The following MFNG variants were observed in gnomAD, a reference collection of about 807,000 sequenced individuals.
The protein encoded by MFNG is beta-1,3-N-acetylglucosaminyltransferase manic fringe.
Under a neutral mutation model 34.2 loss-of-function variants are expected in MFNG, and 24 were observed. The observed-to-expected ratio is 0.70, with a 90% CI of 0.51 to 0.99. The LOEUF (loss-of-function observed/expected upper bound fraction) is 0.99, where lower values mean the gene tolerates loss of function less well. Ranked by LOEUF, MFNG falls within the 50% of genes least tolerant of loss-of-function variation. The probability of loss-of-function intolerance (pLI) is 0.00; values close to 1 mark genes in which losing one functional copy is unlikely to be tolerated. For synonymous variants in MFNG, 158 were observed against 179.2 expected, an observed-to-expected ratio of 0.88 and a Z score of 0.94; for missense variants, 383 against 424.0, an observed-to-expected ratio of 0.90 and a Z score of 0.85.
chr22:37,482,666 C>T lies in MFNG; in HGVS notation c.256-1897G>A, dbSNP rs1040107835. Among the ~76,000 whole-genome samples the T allele has an allele frequency of 6.6e-6, 1 of 152,152 alleles. No individual in the cohort carries two copies. Among genetic ancestry groups the T allele is most frequent in the Non-Finnish European group, 1.5e-5 (1 of 68,022 alleles). ...CACTAACAGCAGTTAGCAAAACTCC[C>T]TGGTTACAGAAATTTCTCTCCCCGT... is the stretch of plus-strand genomic sequence containing the variant. On this transcript the variant is annotated intron_variant, in intron 1 of 7. Coordinates refer to ENST00000356998, the MANE Select transcript of MFNG (RefSeq NM_002405.4). The surrounding 1 kb of genome is among the most constrained non-coding windows in gnomAD (Gnocchi z 4.1).
intron 5 of MFNG, among the ~76,000 whole-genome samples, 166 bp from the exon 6 acceptor site, chr22:37,474,843 C>T (rs1353423585): frequency 6.6e-6 from 1 of 152,226 alleles, no homozygotes; most frequent in African/African-American, 2.4e-5. Context: ...GAGCCTCAGC[C>T]TCAGTCTCCT....
chr22:37,480,102 G>C, intron 3 of MFNG, 95 bp downstream of exon 3: 2 of 930,100 alleles, frequency 2.2e-6, no homozygotes, highest in Non-Finnish European at 3.3e-6. Context: ...CTGCCTGCTA[G>C]AGGAGTGGGG....
intron 3 of MFNG, among the ~76,000 whole-genome samples, chr22:37,479,992 G>A (rs962582161): frequency 2.6e-5 from 4 of 151,712 alleles, no homozygotes; most frequent in Admixed American, 6.6e-5. Flanking sequence ...CAAGAAGAAC[G>A]ATACTCTGTC....
rs1921710083 is a variant in MFNG at position 37,469,520 on chromosome 22, C to T, written c.*443G>A. ...CATTCCACCCATGTCCCTTCAGGAA[C>T]TCGGGACACAGATGAGGGAGGCAGG... On this transcript the variant is annotated 3_prime_UTR_variant, in exon 8 of 8. Transcript: ENST00000356998. The T allele has an allele frequency of 1.3e-5, 4 of 311,482 alleles. No individual in the cohort carries two copies. Among genetic ancestry groups the T allele is most frequent in the Non-Finnish European group, 2.6e-5 (4 of 156,442 alleles). The allele number at this position is 311,482 out of a possible 1,614,324, so 19.3% of individuals were successfully genotyped here. A position where few individuals can be genotyped will look rare whatever the true frequency, so the allele number is the denominator to read the frequency against.
chr22:37,486,243 G>A lies in MFNG; in HGVS notation c.-66C>T. On this transcript the variant is annotated 5_prime_UTR_variant, in exon 1 of 8. Coordinates refer to ENST00000356998, the MANE Select transcript of MFNG (RefSeq NM_002405.4). Reference sequence around the variant, plus strand: ...CCAACCAGACAGGGAGGGGAAGCTGGTCAGGCAGGGGCTCCAGCAGAGGCA... The same window carrying A: ...CCAACCAGACAGGGAGGGGAAGCTGATCAGGCAGGGGCTCCAGCAGAGGCA... 1.4e-6 allele frequency: 2 copies of A among 1,440,620 alleles called. No individual in the cohort carries two copies. Among genetic ancestry groups the A allele is most frequent in the South Asian group, 1.4e-5 (1 of 69,816 alleles). 89.2% of individuals were successfully genotyped at this position (1,440,620 alleles called of 1,614,324 possible). A position where few individuals can be genotyped will look rare whatever the true frequency, so the allele number is the denominator to read the frequency against.
rs201175429 is a variant in MFNG at position 37,486,166 on chromosome 22, C to G, written c.12G>C (p.Arg4=). 20 of 1,577,734 alleles carry G rather than the reference C, an allele frequency of 1.3e-5. No individual in the cohort carries two copies. The highest frequency in any genetic ancestry group is 6.9e-5 in the Admixed American group (4 of 57,774). The part of the protein sequence containing the change: MQC[R]LPRGLAGALL... The stretch of plus-strand genomic sequence containing the variant: ...GGGCTCCAGCCAGGCCCCGCGGGAG[C>G]CGGCACTGCATTGGTTGGCCCTGGG... The change falls in exon 1 of 8, where the codon CGG becomes CGC. Residue 4 remains arginine (R), a synonymous_variant. Coordinates refer to ENST00000356998, the MANE Select transcript of MFNG (RefSeq NM_002405.4).
At position 37,482,851 on chromosome 22, in the gene MFNG, G is replaced by C. The variant is rs1168731698; in HGVS notation, c.256-2082C>G. ...CCACCGTCAGATTTAGCGAATGCTGGAGGTCTCTGGATTTCCGCAGGGGGA... is the reference window on the plus strand; with the variant it reads ...CCACCGTCAGATTTAGCGAATGCTGCAGGTCTCTGGATTTCCGCAGGGGGA... On this transcript the variant is annotated intron_variant, in intron 1 of 7. Transcript: ENST00000356998. This position sits in a 1 kb window ranked among gnomAD's most constrained non-coding sequence, Gnocchi z 4.1. Among the ~76,000 whole-genome samples, 2 of 152,138 alleles carry C rather than the reference G, an allele frequency of 1.3e-5. No homozygotes were observed. The highest frequency in any genetic ancestry group is 4.8e-5 in the African/African-American group (2 of 41,432).
At chr22:37,479,581 G>A (rs1045778443) in intron 3 of MFNG, 83 bp from the exon 4 acceptor site, 3 of 1,542,988 alleles carry the variant, frequency 1.9e-6, no homozygotes, top group African/African-American at 2.8e-5. Flanking sequence ...TCGGTCAACA[G>A]TGACGGAATG....
chr22:37,486,338 T>C lies in MFNG; in HGVS notation c.-161A>G. 1.4e-6 allele frequency: 1 copy of C among 723,490 alleles called. No individual in the cohort carries two copies. The highest frequency in any genetic ancestry group is 3.2e-5 in the South Asian group (1 of 31,388). The allele number at this position is 723,490 out of a possible 1,614,324, so 44.8% of individuals were successfully genotyped here. A position where few individuals can be genotyped will look rare whatever the true frequency, so the allele number is the denominator to read the frequency against. ...GAGCTGAGGCTCTGGACCCAGAGGC[T>C]GAGCCATGGCAGCACGATCTCGACC... On this transcript the variant is annotated 5_prime_UTR_variant, in exon 1 of 8. Transcript: ENST00000356998.
At chr22:37,471,510 C>G (rs1357933839) in intron 7 of MFNG, among the ~76,000 whole-genome samples, 1 of 152,158 alleles carries the variant, frequency 6.6e-6, no homozygotes, top group East Asian at 1.9e-4. Context: ...TCTCCACCCC[C>G]ATCCCGCCAC....
chr22:37,472,651 T>G, intron 6 of MFNG, 123 bp from the exon 7 acceptor site: 14 of 908,748 alleles, frequency 1.5e-5, no homozygotes, highest in East Asian at 3.0e-5. Context: ...GAACCTGAAA[T>G]TCCCCGCTGG....
rs773658860 is a variant in MFNG, at chr22:37,479,346, G to A, written c.560C>T (p.Thr187Met). Residue 187 changes from threonine to methionine, a missense_variant and splice_region_variant, in exon 4 of 8, where the codon ACG (threonine) becomes ATG (methionine). Physicochemically the swap from Thr to Met is moderately conservative, Grantham distance 81 (BLOSUM62 -1). Transcript: ENST00000356998. ...CAAAGGAGGAGGAGAGGGACCCACC[G>A]TGCGGTTGTGGGGCTGTGGCTCTGA... Reference protein sequence around the residue: ...HASEPQPHNRTRLVQFWFATG... With the variant: ...HASEPQPHNRMRLVQFWFATG... 68 of 1,576,636 alleles carry A rather than the reference G, an allele frequency of 4.3e-5. No homozygotes were observed. The highest frequency in any genetic ancestry group is 5.2e-5 in the Non-Finnish European group (60 of 1,161,546).
Position 37,486,083 on chromosome 22 carries a change from G to T in MFNG, c.95C>A (p.Pro32Gln). The change falls in exon 1 of 8, where the codon CCG (proline) becomes CAG (glutamine). Residue 32 changes from proline (P) to glutamine (Q), a missense_variant. Physicochemically the swap from Pro to Gln is moderately conservative, Grantham distance 76. Transcript: ENST00000356998. ...CTCGGGGGTCCCTTGTACCCGCTGCGGGGACAGGTTCAAGTGGTACCGCAG... is the reference window on the plus strand; with the variant it reads ...CTCGGGGGTCCCTTGTACCCGCTGCTGGGACAGGTTCAAGTGGTACCGCAG... ...LCLRYHLNLS[P>Q]QRVQGTPELS... 6.2e-7 allele frequency: 1 copy of T among 1,613,634 alleles called. No individual in the cohort carries two copies. Among genetic ancestry groups the T allele is most frequent in the Non-Finnish European group, 8.5e-7 (1 of 1,179,858 alleles).
At chr22:37,471,723 C>T (rs776506122) in intron 7 of MFNG, among the ~76,000 whole-genome samples, 5 of 147,050 alleles carry the variant, frequency 3.4e-5, no homozygotes, top group Admixed American at 6.9e-5. Flanking sequence ...CCCAGCTATT[C>T]GGGAGGCTGA....
intron 5 of MFNG, among the ~76,000 whole-genome samples, chr22:37,475,716 C>T (rs1004037559): frequency 6.6e-6 from 1 of 151,866 alleles, no homozygotes; most frequent in African/African-American, 2.4e-5. Context: ...CTGCACTCCC[C>T]TCCCCAGCCT....
Position 37,485,172 on chromosome 22 carries a change from C to T in MFNG, c.255+751G>A, listed in dbSNP as rs768034890. 3.3e-5 allele frequency among the ~76,000 whole-genome samples: 5 copies of T among 151,224 alleles called. No homozygotes were observed. Among genetic ancestry groups the T allele is most frequent in the Non-Finnish European group, 5.9e-5 (4 of 67,872 alleles). The stretch of plus-strand genomic sequence containing the variant: ...ACACACATCTAGCACACTCCAGCTC[C>T]GTGCGTGTGAGCACACACACACACA... On this transcript the variant is annotated intron_variant, in intron 1 of 7. Coordinates refer to ENST00000356998, the MANE Select transcript of MFNG (RefSeq NM_002405.4). The surrounding 1 kb of genome is among the most constrained non-coding windows in gnomAD (Gnocchi z 5.3).
rs1922487211 is a variant in MFNG, at chr22:37,485,184, C to T, written c.255+739G>A. On this transcript the variant is annotated intron_variant, in intron 1 of 7. Transcript: ENST00000356998. The surrounding 1 kb of genome is among the most constrained non-coding windows in gnomAD (Gnocchi z 5.3). Reference sequence around the variant, plus strand: ...CACACTCCAGCTCCGTGCGTGTGAGCACACACACACACACACACACAATCC... The same window carrying T: ...CACACTCCAGCTCCGTGCGTGTGAGTACACACACACACACACACACAATCC... Among the ~76,000 whole-genome samples the T allele has an allele frequency of 8.2e-6, 1 of 122,668 alleles. No individual in the cohort carries two copies. The highest frequency in any genetic ancestry group is 1.7e-5 in the Non-Finnish European group (1 of 57,488). 80.5% of individuals were successfully genotyped at this position (122,668 alleles called of 152,430 possible). A position where few individuals can be genotyped will look rare whatever the true frequency, so the allele number is the denominator to read the frequency against.
Position 37,486,310 on chromosome 22 carries a change from T to A in MFNG, c.-133A>T. On this transcript the variant is annotated 5_prime_UTR_variant, in exon 1 of 8. Coordinates refer to ENST00000356998, the MANE Select transcript of MFNG (RefSeq NM_002405.4). ...CAGGGGCTGGCAAGGAGGGAAGAGG[T>A]AGGAGCTGAGGCTCTGGACCCAGAG... 1 of 1,056,844 alleles carries A rather than the reference T, an allele frequency of 9.5e-7. No individual in the cohort carries two copies. Among genetic ancestry groups the A allele is most frequent in the Non-Finnish European group, 1.3e-6 (1 of 771,726 alleles). 65.5% of individuals were successfully genotyped at this position (1,056,844 alleles called of 1,614,324 possible).
Position 37,483,051 on chromosome 22 carries a change from G to A in MFNG, c.256-2282C>T, listed in dbSNP as rs371860954. On this transcript the variant is annotated intron_variant, in intron 1 of 7. Coordinates refer to ENST00000356998, the MANE Select transcript of MFNG (RefSeq NM_002405.4). The surrounding 1 kb of genome is among the most constrained non-coding windows in gnomAD (Gnocchi z 4.5). ...CTGTCAAATCCCCTGAAACCATGAC[G>A]TCTCCTGGGGGCTTAACACATCAAG... Among the ~76,000 whole-genome samples the A allele has an allele frequency of 1.1e-4, 16 of 152,130 alleles. No homozygotes were observed. The East Asian group carries it at 1.2e-3, about 11-fold the overall frequency.
Sources: gnomAD v4.1 joint callset for allele counts (sites outside exome capture counted in the v4.1 genomes callset) on GRCh38, gnomAD v4.1.1 for gene constraint, Gnocchi (gnomAD v3.1) non-coding constraint, MANE v1.5 for transcripts, NCBI Gene and HGNC (gene_info 2026-07-23, HGNC 2026-07-21) for gene names.